The following APOO variants were observed in gnomAD, a reference collection of about 807,000 sequenced individuals.
APOO encodes MICOS complex subunit MIC26.
Under a neutral mutation model 23.1 loss-of-function variants are expected in APOO, and 11 were observed. The observed-to-expected ratio is 0.48, with a 90% CI of 0.30 to 0.79. The LOEUF (loss-of-function observed/expected upper bound fraction) is 0.79. Ranked by LOEUF, APOO falls within the 30% of genes least tolerant of loss-of-function variation. The pLI is 0.07. For missense variants in APOO, 160 were observed against 142.7 expected (o/e 1.12, Z -0.62); for synonymous variants, 59 against 54.8 (o/e 1.08, Z -0.34).
chrX:23,848,788 C>G lies in APOO; in HGVS notation c.561+7514G>C, dbSNP rs1301487336. Reference sequence around the variant, plus strand: ...GCAACCTCTGCCTTGCAGCTTCAAGCAATTCTCCTGACTGAGTCTCCTGAG... The same window carrying G: ...GCAACCTCTGCCTTGCAGCTTCAAGGAATTCTCCTGACTGAGTCTCCTGAG... On this transcript the variant is annotated intron_variant, in intron 7 of 8. Transcript: ENST00000379226. Among the ~76,000 whole-genome samples, 8 of 105,349 alleles carry G rather than the reference C, an allele frequency of 7.6e-5. No homozygotes were observed. In the East Asian group the frequency reaches 2.1e-3, roughly 27 times the overall value. 91.5% of individuals were successfully genotyped at this position (105,349 alleles called of 115,157 possible).
intron 1 of APOO, 44 bp from the exon 2 acceptor site, chrX:23,880,996 G>C: frequency 1.1e-6 from 1 of 918,394 alleles, no homozygotes; most frequent in East Asian, 3.5e-5. Context: ...GTTACAGACC[G>C]AATGTGCAGA....
intron 5 of APOO, among the ~76,000 whole-genome samples, chrX:23,865,803 G>A (rs1925310297): frequency 9.0e-6 from 1 of 111,126 alleles, no homozygotes; most frequent in Admixed American, 9.7e-5. Context: ...CAACGCTCAG[G>A]AGAAAAGACC....
intron 1 of APOO, among the ~76,000 whole-genome samples, chrX:23,892,088 A>T (rs900644734): frequency 6.7e-5 from 7 of 104,422 alleles, no homozygotes; most frequent in African/African-American, 1.4e-4. Flanking sequence ...ATGAAAATAA[A>T]TTTTTTTTTT....
intron 7 of APOO, among the ~76,000 whole-genome samples, chrX:23,841,013 C>T (rs762391734): frequency 1.8e-5 from 2 of 111,883 alleles, no homozygotes; most frequent in Non-Finnish European, 3.8e-5. Flanking sequence ...TAAGGCCTTA[C>T]TTTCTTTTCT....
At chrX:23,835,223 G>A (rs1201676106) in intron 8 of APOO, among the ~76,000 whole-genome samples, 3 of 106,186 alleles carry the variant, frequency 2.8e-5, no homozygotes, top group Non-Finnish European at 5.8e-5. Context: ...CACCACGCCC[G>A]GCTAATTTTT....
intron 7 of APOO, among the ~76,000 whole-genome samples, chrX:23,851,444 C>CA (rs1569228775): frequency 8.9e-6 from 1 of 112,152 alleles, no homozygotes; most frequent in East Asian, 2.8e-4. Context: ...CCACCTGCCT[C>CA]GGCCTCCCAC....
rs866059591 is a variant in APOO, at chrX:23,876,998, G to A, written c.237+1917C>T. ...GCAAGTTTTTATATTTAGTAGTAGT[G>A]GAAATAAACATATAGATAACTAATC... On this transcript the variant is annotated intron_variant, in intron 3 of 8. Transcript: ENST00000379226. 4.9e-4 allele frequency among the ~76,000 whole-genome samples: 55 copies of A among 111,742 alleles called. No individual in the cohort carries two copies. In the Middle Eastern group the frequency reaches 0.014, roughly 28 times the overall value.
At chrX:23,870,774 G>A (rs1161268801) in intron 4 of APOO, among the ~76,000 whole-genome samples, 1 of 108,793 alleles carries the variant, frequency 9.2e-6, no homozygotes, top group Non-Finnish European at 1.9e-5. Flanking sequence ...CTAGGTGACT[G>A]AATGAGACCC....
At chrX:23,885,694 T>C (rs1341579355) in intron 1 of APOO, among the ~76,000 whole-genome samples, 1 of 110,873 alleles carries the variant, frequency 9.0e-6, no homozygotes, top group East Asian at 2.8e-4. Flanking sequence ...CTGCCTCCCT[T>C]TACTGCCTAA....
chrX:23,853,948 C>T (rs1924666109), intron 7 of APOO, among the ~76,000 whole-genome samples: 1 of 111,070 alleles, frequency 9.0e-6, no homozygotes, highest in Admixed American at 9.8e-5. Context: ...ATTTTATTAC[C>T]TTCTATTGAG....
chrX:23,866,792 A>G (rs1456021119), intron 5 of APOO, among the ~76,000 whole-genome samples: 1 of 100,679 alleles, frequency 9.9e-6, no homozygotes, highest in Non-Finnish European at 2.0e-5. Context: ...CTGTCTCAAA[A>G]AAGAAATCAA....
chrX:23,900,737 C>CCTGAGG (rs1287631827), intron 1 of APOO, among the ~76,000 whole-genome samples: 6 of 107,571 alleles, frequency 5.6e-5, no homozygotes, highest in African/African-American at 2.0e-4. Context: ...ACAACTAGAA[C>CCTGAGG]CTGAGGCTGA....
At position 23,866,842 on chromosome X, in the gene APOO, G is replaced by A. The variant is rs1024861916; in HGVS notation, c.388+1751C>T. On this transcript the variant is annotated intron_variant, in intron 5 of 8. Coordinates refer to ENST00000379226, the MANE Select transcript of APOO (RefSeq NM_024122.5). The stretch of plus-strand genomic sequence containing the variant: ...AGGCCAGGTGTAGTGGCTCACACCT[G>A]TAATCCCAGCACTTTGGGACACCGA... Among the ~76,000 whole-genome samples, 10 of 107,849 alleles carry A rather than the reference G, an allele frequency of 9.3e-5. No individual in the cohort carries two copies. In the Admixed American group the frequency reaches 1.0e-3, roughly 11 times the overall value. 93.7% of individuals were successfully genotyped at this position (107,849 alleles called of 115,157 possible). A position where few individuals can be genotyped will look rare whatever the true frequency, so the allele number is the denominator to read the frequency against.
At chrX:23,841,750 T>A (rs1480498993) in intron 7 of APOO, among the ~76,000 whole-genome samples, 1 of 109,958 alleles carries the variant, frequency 9.1e-6, no homozygotes, top group Non-Finnish European at 1.9e-5. Flanking sequence ...CACATACCCA[T>A]ATGTGAACAC....
intron 7 of APOO, among the ~76,000 whole-genome samples, chrX:23,847,970 G>T (rs1446801847): frequency 9.3e-6 from 1 of 107,300 alleles, no homozygotes; most frequent in Non-Finnish European, 1.9e-5. Flanking sequence ...TCCGCCTCCT[G>T]GGTTCAAGCG....
At chrX:23,905,120 G>T (rs937437695) in intron 1 of APOO, among the ~76,000 whole-genome samples, 9 of 109,931 alleles carry the variant, frequency 8.2e-5, no homozygotes, top group African/African-American at 3.0e-4. Context: ...CGGGCGCGGT[G>T]GGTCACACCT....
In APOO at chrX:23,880,918, C is replaced by G; in HGVS notation, c.44G>C (p.Ser15Thr). The G allele has an allele frequency of 8.4e-7, 1 of 1,189,310 alleles. No homozygotes were observed. Among genetic ancestry groups the G allele is most frequent in the Non-Finnish European group, 1.1e-6 (1 of 886,026 alleles). ...IQRSVGPASL[S>T]LLTFKVYAAP... is the part of the protein sequence containing the mutation. Reference sequence around the variant, plus strand: ...TGCATAGACTTTGAAGGTGAGCAAGCTCAGGCTGGCTGGCCCCACGGACCT... The same window carrying G: ...TGCATAGACTTTGAAGGTGAGCAAGGTCAGGCTGGCTGGCCCCACGGACCT... The change falls in exon 2 of 9, where the codon AGC becomes ACC. Residue 15 changes from serine to threonine, a missense_variant. Physicochemically the swap from Ser to Thr is moderately conservative, Grantham distance 58. Coordinates refer to ENST00000379226, the MANE Select transcript of APOO (RefSeq NM_024122.5).
At chrX:23,896,483 G>C (rs2147046280) in intron 1 of APOO, among the ~76,000 whole-genome samples, 1 of 111,743 alleles carries the variant, frequency 8.9e-6, no homozygotes, top group South Asian at 3.7e-4. Flanking sequence ...GTTTTGATCA[G>C]TGATAGAATT....
chrX:23,840,678 G>C (rs1923926703), intron 7 of APOO: 2 of 189,304 alleles, frequency 1.1e-5, no homozygotes, highest in Non-Finnish European at 1.9e-5. Flanking sequence ...TGGGCAGAGA[G>C]AGCAGGAAAT....
Sources: allele counts gnomAD v4.1 joint callset (sites outside exome capture counted in the v4.1 genomes callset), GRCh38; gene constraint gnomAD v4.1.1; transcripts MANE v1.5; gene names NCBI Gene and HGNC (gene_info 2026-07-23, HGNC 2026-07-21).